Variants in CDK14 observed in about 807,000 individuals in gnomAD.
CDK14 encodes cyclin-dependent kinase 14.
CDK14 carries 34 observed loss-of-function variants against 60.7 expected under a neutral mutation model. That is an observed-to-expected ratio of 0.56 (90% CI 0.43 to 0.75). CDK14 has a LOEUF of 0.75. CDK14 is among the 30% of genes least tolerant of loss of function. The pLI, the probability that CDK14 is intolerant of heterozygous loss-of-function variation, is 0.00. For missense variants in CDK14, 482 were observed against 564.1 expected (o/e 0.85, Z 1.47); for synonymous variants, 197 against 203.7 (o/e 0.97, Z 0.28).
intron 5 of CDK14, among the ~76,000 whole-genome samples, chr7:90,828,005 G>T (rs545618927): frequency 6.6e-6 from 1 of 152,262 alleles, no homozygotes; most frequent in East Asian, 1.9e-4. Flanking sequence ...GATATTACAT[G>T]CATAGTCTAT....
At chr7:91,163,387 G>A (rs779173929) in intron 14 of CDK14, among the ~76,000 whole-genome samples, 3 of 152,190 alleles carry the variant, frequency 2.0e-5, no homozygotes, top group African/African-American at 7.2e-5. Context: ...CAATGTAAGC[G>A]TTCCTAACAA....
chr7:90,868,691 C>T (rs977152621), intron 6 of CDK14, among the ~76,000 whole-genome samples: 1 of 152,122 alleles, frequency 6.6e-6, no homozygotes, highest in African/African-American at 2.4e-5. Flanking sequence ...GTTGTACATT[C>T]TACAAAGCAC....
At chr7:91,119,024 A>G (rs1412221149) in intron 14 of CDK14, among the ~76,000 whole-genome samples, 2 of 151,676 alleles carry the variant, frequency 1.3e-5, no homozygotes, top group African/African-American at 2.4e-5. Context: ...GAAAATTTTT[A>G]GTGTGTGTGT....
intron 6 of CDK14, among the ~76,000 whole-genome samples, chr7:90,888,912 G>A (rs1361395797): frequency 6.6e-6 from 1 of 152,230 alleles, no homozygotes; most frequent in Non-Finnish European, 1.5e-5. Context: ...ATTTAGGCTT[G>A]TGAATGGTTT....
rs528229477 is a variant in CDK14, at chr7:91,094,898, T to C, written c.1154+15418T>C. ...TCATAAACACCAATACTGGTGAGGTTATAGAAAAATGAGCCCATTCATTTA... is the reference window on the plus strand; with the variant it reads ...TCATAAACACCAATACTGGTGAGGTCATAGAAAAATGAGCCCATTCATTTA... On this transcript the variant is annotated intron_variant, in intron 12 of 14. Transcript: ENST00000380050. 2.6e-5 allele frequency among the ~76,000 whole-genome samples: 4 copies of C among 152,304 alleles called. No individual in the cohort carries two copies. In the South Asian group the frequency reaches 8.3e-4, roughly 32 times the overall value.
chr7:90,709,835 C>T, intron 2 of CDK14: 1 of 1,401,768 alleles, frequency 7.1e-7, no homozygotes, highest in Admixed American at 3.3e-5. Context: ...ACCATTTCAG[C>T]TTGCTAGTGC....
chr7:91,036,629 C>T (rs1192667511), intron 10 of CDK14, among the ~76,000 whole-genome samples: 1 of 152,152 alleles, frequency 6.6e-6, no homozygotes, highest in Non-Finnish European at 1.5e-5. Context: ...TTATGTTTCA[C>T]TTCCACTTAA....
At chr7:90,943,046 A>G (rs1183760122) in intron 8 of CDK14, among the ~76,000 whole-genome samples, 2 of 152,138 alleles carry the variant, frequency 1.3e-5, no homozygotes, top group African/African-American at 2.4e-5. Context: ...ACTCGTTGAG[A>G]GGCAGCTAAA....
intron 14 of CDK14, among the ~76,000 whole-genome samples, chr7:91,127,555 T>A (rs1367003882): frequency 6.6e-6 from 1 of 152,150 alleles, no homozygotes. Context: ...GTCTCATTGA[T>A]AGAAGAGACC....
At chr7:91,168,305 T>G (rs1249965846) in intron 14 of CDK14, among the ~76,000 whole-genome samples, 1 of 151,870 alleles carries the variant, frequency 6.6e-6, no homozygotes, top group Non-Finnish European at 1.5e-5. Flanking sequence ...CATATGGTTA[T>G]GTGAATTAAA....
intron 10 of CDK14, among the ~76,000 whole-genome samples, chr7:91,035,670 G>T (rs1006121260): frequency 1.4e-5 from 2 of 148,058 alleles, no homozygotes; most frequent in Non-Finnish European, 3.0e-5. Flanking sequence ...ATCCAGATGT[G>T]TTCTGACTAG....
chr7:90,606,216 A>G (rs370162440), intron 2 of CDK14, among the ~76,000 whole-genome samples: 1 of 152,352 alleles, frequency 6.6e-6, no homozygotes. Context: ...AATGAAGGAA[A>G]GACTCAAGGC....
Position 90,657,522 on chromosome 7 carries a change from T to C in CDK14, c.123+53273T>C, listed in dbSNP as rs1482706385. ...AGAGATGTTCTAGATCTATATAAAT[T>C]AATCTTTTGATATTTTTCTAGATCC... On this transcript the variant is annotated intron_variant, in intron 2 of 14. Transcript: ENST00000380050. Among the ~76,000 whole-genome samples the C allele has an allele frequency of 2.0e-5, 3 of 152,334 alleles. No individual in the cohort carries two copies. The East Asian group carries it at 5.8e-4, about 29-fold the overall frequency.
intron 2 of CDK14, among the ~76,000 whole-genome samples, chr7:90,720,698 C>T (rs1271081323): frequency 6.6e-6 from 1 of 152,020 alleles, no homozygotes; most frequent in African/African-American, 2.4e-5. Flanking sequence ...TTTATGTAAT[C>T]TTATTATTAT....
intron 5 of CDK14, among the ~76,000 whole-genome samples, chr7:90,841,368 G>A (rs1790284524): frequency 6.6e-6 from 1 of 151,886 alleles, no homozygotes; most frequent in African/African-American, 2.4e-5. Context: ...TTAATACTAG[G>A]GGAACCTGGG....
At chr7:90,895,592 GCT>G (rs1477188123) in intron 6 of CDK14, among the ~76,000 whole-genome samples, 3 of 118,606 alleles carry the variant, frequency 2.5e-5, no homozygotes, top group African/African-American at 9.9e-5. Flanking sequence ...ACAGAGTCTT[GCT>G]CTGTCTCCCA....
At chr7:90,809,955 C>T (rs993352161) in intron 5 of CDK14, among the ~76,000 whole-genome samples, 17 of 152,262 alleles carry the variant, frequency 1.1e-4, no homozygotes, top group Non-Finnish European at 2.9e-5. Context: ...CAATAACAGG[C>T]TCTGAAGTTC....
chr7:90,812,156 A>G (rs993732282), intron 5 of CDK14, among the ~76,000 whole-genome samples: 4 of 152,232 alleles, frequency 2.6e-5, no homozygotes, highest in African/African-American at 9.6e-5. Context: ...TGTTATAAAG[A>G]CACATGCCCA....
intron 5 of CDK14, among the ~76,000 whole-genome samples, chr7:90,850,363 C>A (rs1790609560): frequency 6.6e-6 from 1 of 152,082 alleles, no homozygotes; most frequent in Non-Finnish European, 1.5e-5. Context: ...AAACTCAGCA[C>A]TGAATTGAGT....
Sources: allele counts gnomAD v4.1 joint callset (sites outside exome capture counted in the v4.1 genomes callset), GRCh38; gene constraint gnomAD v4.1.1; transcripts MANE v1.5; gene names NCBI Gene and HGNC (gene_info 2026-07-23, HGNC 2026-07-21).